The following TBCE variants were observed in gnomAD, a reference collection of about 807,000 sequenced individuals.
The protein encoded by TBCE is tubulin-specific chaperone E.
In TBCE, 53 loss-of-function variants were observed where a neutral mutation model predicts 77.0. The ratio of observed to expected loss-of-function variants is 0.69; its 90% CI spans 0.55 to 0.87. The LOEUF is 0.87. TBCE is among the 40% of genes least tolerant of loss of function. The pLI is 0.00. For missense variants in TBCE, 624 were observed against 622.4 expected, an observed-to-expected ratio of 1.00 and a Z score of -0.03; for synonymous variants, 235 against 241.3, an observed-to-expected ratio of 0.97 and a Z score of 0.24.
At chr1:235,447,104 T>C (rs563521117) in intron 15 of TBCE, among the ~76,000 whole-genome samples, 1 of 152,312 alleles carries the variant, frequency 6.6e-6, no homozygotes, top group Admixed American at 6.5e-5. Context: ...CCAGTCCGTC[T>C]CAATCTTTTG....
At chr1:235,371,671 C>T (rs1471192272) in intron 1 of TBCE, among the ~76,000 whole-genome samples, 1 of 150,962 alleles carries the variant, frequency 6.6e-6, no homozygotes, top group Admixed American at 6.6e-5. Context: ...CTACAGCACC[C>T]GGCCCCACCT....
chr1:235,399,554 T>C (rs1435484930), intron 2 of TBCE, among the ~76,000 whole-genome samples: 1 of 152,244 alleles, frequency 6.6e-6, no homozygotes, highest in Non-Finnish European at 1.5e-5. Context: ...TTTGAACTTC[T>C]AGATAGCTGA....
Position 235,401,538 on chromosome 1 carries a change from A to G in TBCE, c.136A>G (p.Arg46Gly). 1.2e-6 allele frequency: 2 copies of G among 1,613,926 alleles called. No homozygotes were observed. Among genetic ancestry groups the G allele is most frequent in the African/African-American group, 2.7e-5 (2 of 75,004 alleles). Residue 46 changes from arginine to glycine, a missense_variant, in exon 3 of 17, where the codon AGA (arginine) becomes GGA (glycine). By Grantham distance (125) the Arg-to-Gly change is moderately radical (BLOSUM62 -2). Transcript: ENST00000642610. ...WLGVEWDNPE[R>G]GKHDGSHEGT... ...AGGAGTAGAATGGGACAATCCCGAG[A>G]GAGGAAAGCATGATGGGAGCCACGA...
intron 2 of TBCE, among the ~76,000 whole-genome samples, chr1:235,398,608 A>C (rs1005480614): frequency 2.8e-5 from 4 of 141,952 alleles, no homozygotes; most frequent in African/African-American, 1.0e-4. Flanking sequence ...GATGATGATT[A>C]TTTGTGGTGT....
chr1:235,388,279 A>ACTT (rs1451351700), intron 2 of TBCE, among the ~76,000 whole-genome samples: 1 of 137,964 alleles, frequency 7.2e-6, no homozygotes, highest in Non-Finnish European at 1.6e-5. Flanking sequence ...CTTCTCTGTT[A>ACTT]CTTCTTTTTT....
chr1:235,441,717 C>T, intron 13 of TBCE, 97 bp from the exon 14 acceptor site: 2 of 1,137,778 alleles, frequency 1.8e-6, no homozygotes, highest in South Asian at 2.6e-5. Context: ...GGCACAGGCT[C>T]TCTGGACGCT....
At chr1:235,428,676 G>T (rs977969539) in intron 6 of TBCE, among the ~76,000 whole-genome samples, 1 of 127,636 alleles carries the variant, frequency 7.8e-6, no homozygotes, top group African/African-American at 3.0e-5. Context: ...ACAGTGTCTC[G>T]CCCTGTCGCC....
intron 16 of TBCE, 41 bp from the exon 17 acceptor site, chr1:235,448,629 T>C (rs753265986): frequency 1.3e-6 from 2 of 1,545,528 alleles, no homozygotes; most frequent in Non-Finnish European, 1.8e-6. Flanking sequence ...TTATCGGATC[T>C]GTCTTAATCA....
At chr1:235,428,933 G>T (rs1272073756) in intron 6 of TBCE, among the ~76,000 whole-genome samples, 1 of 147,276 alleles carries the variant, frequency 6.8e-6, no homozygotes. Flanking sequence ...GAGCCACTGT[G>T]CCCAGCCTTA....
At chr1:235,442,059 G>C (rs1037855946) in intron 14 of TBCE, among the ~76,000 whole-genome samples, 177 bp downstream of exon 14, 39 of 150,844 alleles carry the variant, frequency 2.6e-4, no homozygotes, top group African/African-American at 9.0e-4. Flanking sequence ...CCAGGCTGGA[G>C]TGCAGTGGTG....
intron 8 of TBCE, among the ~76,000 whole-genome samples, chr1:235,435,110 T>TTTG (rs1681359616): frequency 2.6e-5 from 4 of 151,616 alleles, no homozygotes; most frequent in African/African-American, 7.3e-5. Flanking sequence ...TTGTTTTGTT[T>TTTG]TTTTTTTGAG....
At chr1:235,418,534 G>A (rs1680224329) in intron 4 of TBCE, 1 of 152,228 alleles carries the variant, frequency 6.6e-6, no homozygotes, top group African/African-American at 2.4e-5. Flanking sequence ...AGCTGGGTGC[G>A]CTCTCTAGGA....
chr1:235,435,581 A>G (rs143302566), intron 8 of TBCE, among the ~76,000 whole-genome samples, 164 bp from the exon 9 acceptor site: 125 of 152,264 alleles, frequency 8.2e-4, no homozygotes, highest in African/African-American at 2.5e-3. Flanking sequence ...CGGCAGGAAT[A>G]TGTGCATCAC....
At chr1:235,379,535 A>C (rs1414350904) in intron 1 of TBCE, among the ~76,000 whole-genome samples, 1 of 151,890 alleles carries the variant, frequency 6.6e-6, no homozygotes, top group Non-Finnish European at 1.5e-5. Context: ...CTTAAAAAAC[A>C]ACAACAAGAA....
chr1:235,386,590 T>G (rs1678021092), intron 2 of TBCE, among the ~76,000 whole-genome samples: 1 of 152,250 alleles, frequency 6.6e-6, no homozygotes, highest in African/African-American at 2.4e-5. Flanking sequence ...GTTGATTGCA[T>G]CAGCTCCTGA....
chr1:235,423,907 T>A (rs1572407293), intron 5 of TBCE: 1 of 152,100 alleles, frequency 6.6e-6, no homozygotes, highest in Non-Finnish European at 1.5e-5. Flanking sequence ...GGGTATGGAG[T>A]CATCCCTTTC....
intron 2 of TBCE, among the ~76,000 whole-genome samples, chr1:235,383,582 TG>T: frequency 6.6e-6 from 1 of 152,294 alleles, no homozygotes. Flanking sequence ...GAAGCAATTG[TG>T]AATGGGATTT....
chr1:235,398,413 T>A (rs1678877027), intron 2 of TBCE, among the ~76,000 whole-genome samples: 1 of 152,078 alleles, frequency 6.6e-6, no homozygotes, highest in Admixed American at 6.6e-5. Flanking sequence ...CCATAAGTGC[T>A]GGGACCATAG....
At chr1:235,412,795 T>C (rs1428362646) in intron 3 of TBCE, among the ~76,000 whole-genome samples, 1 of 145,756 alleles carries the variant, frequency 6.9e-6, no homozygotes, top group African/African-American at 2.7e-5. Flanking sequence ...TTCATCCTTT[T>C]CAATTATTAT....
Sources: gnomAD v4.1 joint callset for allele counts (sites outside exome capture counted in the v4.1 genomes callset) on GRCh38, gnomAD v4.1.1 for gene constraint, MANE v1.5 for transcripts, NCBI Gene and HGNC (gene_info 2026-07-23, HGNC 2026-07-21) for gene names.